Variants in DEUP1 observed in about 807,000 individuals in gnomAD.
DEUP1 encodes deuterosome assembly protein 1.
DEUP1 carries 82 observed loss-of-function variants against 87.4 expected under a neutral mutation model. The ratio of observed to expected loss-of-function variants is 0.94; its 90% confidence interval spans 0.78 to 1.13. The LOEUF is 1.13. DEUP1 is among the 50% of genes most tolerant of loss of function. DEUP1 has a pLI of 0.00. For synonymous variants in DEUP1, 214 were observed against 222.7 expected (o/e 0.96, Z 0.35); for missense variants, 663 against 681.5 (o/e 0.97, Z 0.30).
chr11:93,419,868 A>G (rs1358521787), intron 13 of DEUP1, among the ~76,000 whole-genome samples: 1 of 137,348 alleles, frequency 7.3e-6, no homozygotes, highest in Non-Finnish European at 1.6e-5. Context: ...AAAATAAAAT[A>G]AAATAAAATA....
At chr11:93,347,472 G>A (rs759240050) in intron 2 of DEUP1, among the ~76,000 whole-genome samples, 4 of 152,054 alleles carry the variant, frequency 2.6e-5, no homozygotes, top group Non-Finnish European at 4.4e-5. Flanking sequence ...TTAGCCTGAG[G>A]TTTTTCTTTT....
At chr11:93,382,237 G>C (rs1946335150) in intron 7 of DEUP1, among the ~76,000 whole-genome samples, 1 of 152,044 alleles carries the variant, frequency 6.6e-6, no homozygotes, top group African/African-American at 2.4e-5. Context: ...TGTTAATTTA[G>C]TATTAATCTT....
chr11:93,371,363 G>A, intron 7 of DEUP1, 83 bp downstream of exon 7: 2 of 1,353,024 alleles, frequency 1.5e-6, no homozygotes, highest in Non-Finnish European at 2.0e-6. Flanking sequence ...TGATTAGAAT[G>A]GTAGTTTTCT....
intron 2 of DEUP1, among the ~76,000 whole-genome samples, chr11:93,355,015 C>T (rs1464886447): frequency 6.6e-6 from 1 of 152,170 alleles, no homozygotes; most frequent in Non-Finnish European, 1.5e-5. Flanking sequence ...AATGATATCC[C>T]AGTTTGCCTC....
intron 9 of DEUP1, among the ~76,000 whole-genome samples, chr11:93,392,245 A>C (rs1946786315): frequency 6.6e-6 from 1 of 152,100 alleles, no homozygotes; most frequent in Non-Finnish European, 1.5e-5. Flanking sequence ...AACCCCTAAA[A>C]CTCAGGTTTT....
At chr11:93,344,641 A>G (rs1944248687) in intron 2 of DEUP1, among the ~76,000 whole-genome samples, 1 of 152,164 alleles carries the variant, frequency 6.6e-6, no homozygotes, top group Non-Finnish European at 1.5e-5. Context: ...GTTTAAATGT[A>G]GCATTTAATT....
intron 11 of DEUP1, among the ~76,000 whole-genome samples, chr11:93,400,931 C>A (rs577303040): frequency 6.6e-6 from 1 of 152,120 alleles, no homozygotes; most frequent in South Asian, 2.1e-4. Flanking sequence ...ACATAATACT[C>A]GAAGTCCTGG....
chr11:93,350,375 G>A (rs1421905528), intron 2 of DEUP1, among the ~76,000 whole-genome samples: 1 of 152,142 alleles, frequency 6.6e-6, no homozygotes, highest in Non-Finnish European at 1.5e-5. Flanking sequence ...GAATCATTGA[G>A]ATCAGATTAG....
chr11:93,371,312 T>C, intron 7 of DEUP1, 32 bp downstream of exon 7: 1 of 1,590,186 alleles, frequency 6.3e-7, no homozygotes, highest in East Asian at 2.2e-5. Context: ...ACTAATATTG[T>C]CCATGACTTG....
rs2134370980 is a variant in DEUP1 at position 93,396,224 on chromosome 11, A to G, written c.1240-15A>G. The G allele has an allele frequency of 7.4e-6, 11 of 1,488,078 alleles. No individual in the cohort carries two copies. The highest frequency in any genetic ancestry group is 9.1e-6 in the Non-Finnish European group (10 of 1,096,140). The allele number at this position is 1,488,078 out of a possible 1,614,324, so 92.2% of individuals were successfully genotyped here. On this transcript the variant is annotated splice_polypyrimidine_tract_variant and intron_variant, in intron 10 of 13. Coordinates refer to ENST00000298050, the MANE Select transcript of DEUP1 (RefSeq NM_181645.4). Reference sequence around the variant, plus strand: ...ATTATGAATTTTACATTTGCCTTTTATCTGCTAATTTCAGGTCTCAGATAT... The same window carrying G: ...ATTATGAATTTTACATTTGCCTTTTGTCTGCTAATTTCAGGTCTCAGATAT...
intron 13 of DEUP1, among the ~76,000 whole-genome samples, chr11:93,428,262 G>C (rs1947993088): frequency 6.6e-6 from 1 of 152,068 alleles, no homozygotes; most frequent in South Asian, 2.1e-4. Flanking sequence ...ATACTATGCA[G>C]CCATAAAAAA....
chr11:93,370,170 A>C lies in DEUP1; in HGVS notation c.530A>C (p.Lys177Thr), dbSNP rs192782337. 3.9e-4 allele frequency: 609 copies of C among 1,549,802 alleles called. 2 individuals carry two copies. The African/African-American group carries it at 5.2e-3, about 13-fold the overall frequency. Reference protein sequence around the residue: ...LDAQQKLLSEKCNQFQKQAQS... With the variant: ...LDAQQKLLSETCNQFQKQAQS... Reference sequence around the variant, plus strand: ...GCTCAACAAAAATTATTATCTGAGAAGTGTAATCAGTTTCAGGTAAGTTAT... The same window carrying C: ...GCTCAACAAAAATTATTATCTGAGACGTGTAATCAGTTTCAGGTAAGTTAT... The change falls in exon 6 of 14, where the codon AAG (lysine) becomes ACG (threonine). Residue 177 changes from lysine (K) to threonine (T), a missense_variant. Lys to Thr is a moderately conservative substitution (Grantham distance 78, BLOSUM62 -1). Transcript: ENST00000298050.
intron 1 of DEUP1, 116 bp from the exon 2 acceptor site, chr11:93,332,100 A>G: frequency 1.8e-6 from 1 of 568,612 alleles, no homozygotes; most frequent in Non-Finnish European, 3.1e-6. Context: ...TAGGATCAAG[A>G]GCTACTACAC....
intron 9 of DEUP1, among the ~76,000 whole-genome samples, chr11:93,391,764 A>G (rs997067351): frequency 1.3e-5 from 2 of 152,092 alleles, no homozygotes; most frequent in African/African-American, 4.8e-5. Context: ...AACTATGCCA[A>G]AGGGATGCGA....
At chr11:93,351,009 TA>T (rs1275148917) in intron 2 of DEUP1, among the ~76,000 whole-genome samples, 1 of 148,120 alleles carries the variant, frequency 6.8e-6, no homozygotes, top group South Asian at 2.1e-4. Context: ...TATTTTCATA[TA>T]AAAATGTATT....
chr11:93,389,731 T>C (rs983845773), intron 9 of DEUP1, among the ~76,000 whole-genome samples: 2 of 152,242 alleles, frequency 1.3e-5, no homozygotes, highest in African/African-American at 4.8e-5. Flanking sequence ...GCAGAGGCCA[T>C]GTTTCAATCT....
chr11:93,353,448 G>T (rs1351032443), intron 2 of DEUP1, among the ~76,000 whole-genome samples: 1 of 152,144 alleles, frequency 6.6e-6, no homozygotes, highest in Non-Finnish European at 1.5e-5. Flanking sequence ...CTACCGTTCT[G>T]GGGTCTGGAG....
rs1565316282 is a variant in DEUP1 at position 93,373,623 on chromosome 11, A to ATGTGTG, written c.789+2343_789+2344insTGTGTG. Among the ~76,000 whole-genome samples the ATGTGTG allele has an allele frequency of 7.0e-3, 743 of 106,786 alleles. 13 individuals carry two copies. The highest frequency in any genetic ancestry group is 0.027 in the African/African-American group (715 of 26,756). 70.1% of individuals were successfully genotyped at this position (106,786 alleles called of 152,430 possible). On this transcript the variant is annotated intron_variant, in intron 7 of 13. Transcript: ENST00000298050. Reference sequence around the variant, plus strand: ...TATATATTTATATATGTATATATATACGTATATATATATATATATATATAT... The same window carrying ATGTGTG: ...TATATATTTATATATGTATATATATATGTGTGCGTATATATATATATATATATATAT...
intron 11 of DEUP1, among the ~76,000 whole-genome samples, chr11:93,407,177 A>G (rs1947304180): frequency 6.6e-6 from 1 of 151,580 alleles, no homozygotes; most frequent in Non-Finnish European, 1.5e-5. Flanking sequence ...AGATTTATGT[A>G]TAAGGAAATC....
Sources: allele counts gnomAD v4.1 joint callset (sites outside exome capture counted in the v4.1 genomes callset), GRCh38; gene constraint gnomAD v4.1.1; transcripts MANE v1.5; gene names NCBI Gene and HGNC (gene_info 2026-07-23, HGNC 2026-07-21).